KAT7: variants seen among roughly 807,000 people sequenced by gnomAD.
The protein encoded by KAT7 is histone acetyltransferase KAT7.
In KAT7, 10 loss-of-function variants were observed where a neutral mutation model predicts 82.1. The observed-to-expected ratio is 0.12, with a 90% confidence interval of 0.08 to 0.21. The LOEUF (loss-of-function observed/expected upper bound fraction) is 0.21. Among genes scored for constraint, KAT7 ranks in the 10% least tolerant of loss-of-function variants. The probability of loss-of-function intolerance (pLI) is 1.00; values close to 1 mark genes in which losing one functional copy is unlikely to be tolerated. For synonymous variants in KAT7, 250 were observed against 262.5 expected (o/e 0.95, Z 0.46); for missense variants, 378 against 760.9 (o/e 0.50, Z 5.92).
At chr17:49,794,451 A>G (rs995984556) in intron 2 of KAT7, among the ~76,000 whole-genome samples, 59 of 152,032 alleles carry the variant, frequency 3.9e-4, no homozygotes, top group Non-Finnish European at 6.9e-4. Context: ...ATACCTGGCT[A>G]TTTTTTGTAT....
intron 8 of KAT7, among the ~76,000 whole-genome samples, chr17:49,816,968 C>G (rs960277539): frequency 6.6e-6 from 1 of 152,112 alleles, no homozygotes; most frequent in African/African-American, 2.4e-5. Context: ...TGCCACTACA[C>G]CCATCCCAGA....
At chr17:49,819,019 G>A (rs2094799806) in intron 9 of KAT7, among the ~76,000 whole-genome samples, 1 of 152,190 alleles carries the variant, frequency 6.6e-6, no homozygotes, top group South Asian at 2.1e-4. Context: ...TTACAGGCAT[G>A]AGCCACTGTG....
At chr17:49,811,764 G>C (rs2074168644) in intron 7 of KAT7, among the ~76,000 whole-genome samples, 190 bp downstream of exon 7, 1 of 152,068 alleles carries the variant, frequency 6.6e-6, no homozygotes, top group Admixed American at 6.6e-5. Flanking sequence ...GGAAACAGGA[G>C]GTCTTGGGAA....
intron 4 of KAT7, among the ~76,000 whole-genome samples, chr17:49,801,705 G>C (rs1346166525): frequency 6.6e-6 from 1 of 152,094 alleles, no homozygotes. Context: ...GCCCAGGCTG[G>C]TCTTGAACTC....
chr17:49,826,232 G>A (rs1027210599), intron 13 of KAT7, 86 bp downstream of exon 13: 29 of 1,368,174 alleles, frequency 2.1e-5, no homozygotes, highest in Non-Finnish European at 2.7e-5. Flanking sequence ...ATGTGAGAAC[G>A]GAAGGCCCAC....
intron 7 of KAT7, among the ~76,000 whole-genome samples, chr17:49,813,598 A>G (rs566985259): frequency 6.6e-6 from 1 of 152,326 alleles, no homozygotes; most frequent in South Asian, 2.1e-4. Flanking sequence ...ATTCCGGGAA[A>G]AAAATGTGGT....
At chr17:49,823,510 G>A in intron 12 of KAT7, 1 of 484,162 alleles carries the variant, frequency 2.1e-6, no homozygotes. Flanking sequence ...TTAATGAGTA[G>A]GAGGTACAGA....
chr17:49,832,657 A>G lies in KAT7; in HGVS notation c.*5155A>G, dbSNP rs147621665. On this transcript the variant is annotated 3_prime_UTR_variant, in exon 15 of 15. Coordinates refer to ENST00000259021, the MANE Select transcript of KAT7 (RefSeq NM_007067.5). ...TAGTGTGCTCAAGCTCAAATAACCAATCCCATCAAGTGAAAAGAATGGCAG... is the reference window on the plus strand; with the variant it reads ...TAGTGTGCTCAAGCTCAAATAACCAGTCCCATCAAGTGAAAAGAATGGCAG... 7.2e-5 allele frequency: 11 copies of G among 152,280 alleles called. No individual in the cohort carries two copies. In the East Asian group the frequency reaches 1.5e-3, roughly 21 times the overall value. The allele number at this position is 152,280 out of a possible 1,614,324, so 9.4% of individuals were successfully genotyped here.
chr17:49,806,042 T>C (rs1156753104), intron 5 of KAT7, among the ~76,000 whole-genome samples: 3 of 152,254 alleles, frequency 2.0e-5, no homozygotes, highest in Non-Finnish European at 2.9e-5. Context: ...TGTGGGTTGC[T>C]GTTCCCAAGG....
intron 9 of KAT7, among the ~76,000 whole-genome samples, chr17:49,820,167 T>C (rs1012072166): frequency 7.2e-5 from 11 of 152,214 alleles, no homozygotes; most frequent in Non-Finnish European, 1.3e-4. Flanking sequence ...GAGGATCTTT[T>C]GAGCCCAGGA....
chr17:49,801,605 T>G (rs1036421385), intron 4 of KAT7, among the ~76,000 whole-genome samples: 2 of 152,058 alleles, frequency 1.3e-5, no homozygotes, highest in Non-Finnish European at 2.9e-5. Flanking sequence ...TCCTCCAACC[T>G]CAGCCTCCCA....
intron 12 of KAT7, chr17:49,824,563 G>T (rs565920766): frequency 6.6e-6 from 1 of 152,328 alleles, no homozygotes; most frequent in African/African-American, 2.4e-5. Context: ...GTTTCTCCAT[G>T]TTGGTCAGGC....
intron 9 of KAT7, 92 bp downstream of exon 9, chr17:49,818,103 ACCT>A: frequency 1.0e-6 from 1 of 963,606 alleles, no homozygotes; most frequent in Non-Finnish European, 1.6e-6. Context: ...CTGTTCAGGC[ACCT>A]TCTCAGTGGT....
intron 2 of KAT7, chr17:49,795,582 G>A (rs2073945875): frequency 4.2e-6 from 1 of 240,546 alleles, no homozygotes; most frequent in African/African-American, 2.3e-5. Context: ...AGTTTCAGAT[G>A]GCTTATTCAA....
intron 9 of KAT7, among the ~76,000 whole-genome samples, chr17:49,820,251 A>G (rs2074285195): frequency 6.6e-6 from 1 of 152,112 alleles, no homozygotes; most frequent in African/African-American, 2.4e-5. Context: ...CTCAAAAAAA[A>G]AAACTTTTTT....
At chr17:49,801,856 A>C (rs986052480) in intron 4 of KAT7, among the ~76,000 whole-genome samples, 1 of 152,040 alleles carries the variant, frequency 6.6e-6, no homozygotes, top group African/African-American at 2.4e-5. Flanking sequence ...TTAAAACTCT[A>C]TAGGAAAGTT....
Position 49,827,666 on chromosome 17 carries a change from G to T in KAT7, c.*164G>T. The T allele has an allele frequency of 1.7e-6, 1 of 605,998 alleles. No homozygotes were observed. Among genetic ancestry groups the T allele is most frequent in the Non-Finnish European group, 3.0e-6 (1 of 338,852 alleles). 37.5% of individuals were successfully genotyped at this position (605,998 alleles called of 1,614,324 possible). On this transcript the variant is annotated 3_prime_UTR_variant, in exon 15 of 15. Coordinates refer to ENST00000259021, the MANE Select transcript of KAT7 (RefSeq NM_007067.5). ...GGCTCCGACCTTTGTGTACACTGCA[G>T]ACGCTGGTTCTGAGGAACTGTTGTT...
chr17:49,816,999 G>A (rs1345514364), intron 8 of KAT7, among the ~76,000 whole-genome samples: 1 of 151,920 alleles, frequency 6.6e-6, no homozygotes, highest in Non-Finnish European at 1.5e-5. Context: ...GCCTTCTAGA[G>A]TTTAGATTCT....
chr17:49,827,072 G>A lies in KAT7; in HGVS notation c.1734+273G>A. ...TTGTACAGCATTTCTGTCATTTGAT[G>A]TTTTTCTTAGGTGGGAGGAAATTGC... is the stretch of plus-strand genomic sequence containing the variant. On this transcript the variant is annotated intron_variant, in intron 14 of 14. Transcript: ENST00000259021. 6.9e-6 allele frequency: 3 copies of A among 437,814 alleles called. No homozygotes were observed. In the South Asian group the frequency reaches 1.1e-4, roughly 16 times the overall value. 27.1% of individuals were successfully genotyped at this position (437,814 alleles called of 1,614,324 possible).
Sources: gnomAD v4.1 joint callset for allele counts (sites outside exome capture counted in the v4.1 genomes callset) on GRCh38, gnomAD v4.1.1 for gene constraint, MANE v1.5 for transcripts, NCBI Gene and HGNC (gene_info 2026-07-23, HGNC 2026-07-21) for gene names.